Variants in UVRAG observed in about 807,000 individuals in gnomAD.
The protein encoded by UVRAG is UV radiation resistance-associated gene protein.
Under a neutral mutation model 78.0 loss-of-function variants are expected in UVRAG, and 19 were observed. The observed-to-expected ratio is 0.24, with a 90% CI of 0.17 to 0.36. The LOEUF is 0.36. Among genes scored for constraint, UVRAG ranks in the 10% least tolerant of loss-of-function variants. UVRAG has a pLI of 1.00. For missense variants in UVRAG, 740 were observed against 853.8 expected, an observed-to-expected ratio of 0.87 and a Z score of 1.66; for synonymous variants, 323 against 324.6, an observed-to-expected ratio of 1.00 and a Z score of 0.05.
Position 75,839,852 on chromosome 11 carries a change from C to CATAT in UVRAG, c.118-12023_118-12020dup, listed in dbSNP as rs547913913. On this transcript the variant is annotated intron_variant, in intron 1 of 14. Transcript: ENST00000356136. ...ATATATATATATACACACCCCCACA[C>CATAT]ATATATATATAGAGAGAGAGAGAGA... 1.6e-3 allele frequency among the ~76,000 whole-genome samples: 237 copies of CATAT among 150,054 alleles called. 2 individuals are homozygous for CATAT. The East Asian group carries it at 0.019, about 12-fold the overall frequency.
At chr11:75,996,615 G>T (rs1949712667) in intron 8 of UVRAG, among the ~76,000 whole-genome samples, 1 of 152,156 alleles carries the variant, frequency 6.6e-6, no homozygotes. Flanking sequence ...TTATACAGAG[G>T]CATGGAGGTA....
At chr11:76,109,711 T>G (rs1952037256) in intron 13 of UVRAG, among the ~76,000 whole-genome samples, 1 of 152,214 alleles carries the variant, frequency 6.6e-6, no homozygotes, top group Non-Finnish European at 1.5e-5. Context: ...GTAAATGTAG[T>G]TCTTTCTCCC....
At chr11:75,846,541 C>T (rs748158868) in intron 1 of UVRAG, among the ~76,000 whole-genome samples, 180 of 151,744 alleles carry the variant, frequency 1.2e-3, no homozygotes, top group Non-Finnish European at 2.0e-3. Context: ...CTGAGGTCTC[C>T]GATTCATTTT....
chr11:75,899,286 A>G (rs1947430348), intron 5 of UVRAG, among the ~76,000 whole-genome samples: 1 of 152,188 alleles, frequency 6.6e-6, no homozygotes, highest in Non-Finnish European at 1.5e-5. Context: ...GTATTATACT[A>G]GGTAAGTATA....
chr11:76,127,482 G>A lies in UVRAG; in HGVS notation c.1397+11467G>A, dbSNP rs144754737. On this transcript the variant is annotated intron_variant, in intron 14 of 14. Coordinates refer to ENST00000356136, the MANE Select transcript of UVRAG (RefSeq NM_003369.4). ...CAGCTGACCAACATGGTGAAAACCC[G>A]TCTCTATTAATACAGAAAGTTAGCC... 1.3e-3 allele frequency among the ~76,000 whole-genome samples: 202 copies of A among 149,672 alleles called. 1 individual carries two copies. Among genetic ancestry groups the A allele is most frequent in the Middle Eastern group, 7.3e-3 (2 of 274 alleles).
chr11:76,100,555 T>A lies in UVRAG; in HGVS notation c.1306-15369T>A, dbSNP rs373267284. On this transcript the variant is annotated intron_variant, in intron 13 of 14. Transcript: ENST00000356136. The stretch of plus-strand genomic sequence containing the variant: ...GTAGATATAATCTTTTTCACTTGAA[T>A]TAGTTTTCTGTGCTTTATAACAAAT... 2.6e-5 allele frequency among the ~76,000 whole-genome samples: 4 copies of A among 152,292 alleles called. No individual in the cohort carries two copies. The East Asian group carries it at 7.7e-4, about 29-fold the overall frequency.
At chr11:75,833,463 A>G (rs1336558366) in intron 1 of UVRAG, among the ~76,000 whole-genome samples, 3 of 152,212 alleles carry the variant, frequency 2.0e-5, no homozygotes, top group Non-Finnish European at 4.4e-5. Context: ...ACCCTTAAAT[A>G]CTTGAGTATG....
intron 14 of UVRAG, among the ~76,000 whole-genome samples, chr11:76,134,626 G>C (rs1299885204): frequency 1.3e-5 from 2 of 152,150 alleles, no homozygotes; most frequent in East Asian, 3.9e-4. Context: ...ACATGAATAT[G>C]TCTGAGTCTC....
At chr11:75,971,615 T>C (rs935432405) in intron 7 of UVRAG, among the ~76,000 whole-genome samples, 1 of 152,230 alleles carries the variant, frequency 6.6e-6, no homozygotes, top group Non-Finnish European at 1.5e-5. Context: ...TTTCATATGC[T>C]TGCCATCTAT....
chr11:75,826,992 G>A (rs1186796910), intron 1 of UVRAG, among the ~76,000 whole-genome samples: 3 of 152,072 alleles, frequency 2.0e-5, no homozygotes, highest in Non-Finnish European at 2.9e-5. Flanking sequence ...AATAGCTGGC[G>A]TTTTTTCCTA....
At chr11:75,994,213 G>T (rs1241694115) in intron 8 of UVRAG, among the ~76,000 whole-genome samples, 1 of 152,158 alleles carries the variant, frequency 6.6e-6, no homozygotes, top group African/African-American at 2.4e-5. Context: ...CAAACTTTGT[G>T]GGAAGAAGCT....
At chr11:75,917,744 C>T (rs920270072) in intron 6 of UVRAG, among the ~76,000 whole-genome samples, 10 of 152,194 alleles carry the variant, frequency 6.6e-5, no homozygotes. Context: ...CCTAGTCTCC[C>T]AAGCTAGTAA....
chr11:76,011,808 A>G (rs537630266), intron 11 of UVRAG, among the ~76,000 whole-genome samples: 2 of 152,324 alleles, frequency 1.3e-5, no homozygotes, highest in Admixed American at 1.3e-4. Context: ...ATTTGTAATC[A>G]AGACAGTCAG....
intron 14 of UVRAG, among the ~76,000 whole-genome samples, chr11:76,129,231 A>G (rs1258384810): frequency 6.6e-6 from 1 of 152,228 alleles, no homozygotes; most frequent in South Asian, 2.1e-4. Flanking sequence ...TAACCATTAC[A>G]TGGACAACCT....
intron 1 of UVRAG, among the ~76,000 whole-genome samples, chr11:75,834,677 G>A (rs984414088): frequency 3.3e-5 from 5 of 152,016 alleles, no homozygotes; most frequent in Non-Finnish European, 7.4e-5. Flanking sequence ...AGCCGGGTGT[G>A]GTGGCACGTG....
At chr11:75,967,142 C>A (rs989330983) in intron 7 of UVRAG, among the ~76,000 whole-genome samples, 1 of 152,164 alleles carries the variant, frequency 6.6e-6, no homozygotes, top group African/African-American at 2.4e-5. Context: ...GTCTCAAGAA[C>A]CCTCAAGTAG....
chr11:76,061,868 C>T (rs898487669), intron 12 of UVRAG, among the ~76,000 whole-genome samples: 1 of 152,174 alleles, frequency 6.6e-6, no homozygotes, highest in Non-Finnish European at 1.5e-5. Context: ...AGAATTATAA[C>T]ATCTTGGAGT....
At chr11:75,849,481 G>A (rs56280826) in intron 1 of UVRAG, among the ~76,000 whole-genome samples, 10,709 of 149,182 alleles carry the variant, frequency 0.072, 1,275 homozygotes, top group African/African-American at 0.25. Flanking sequence ...GCGACAGAGC[G>A]AGACTCCATC....
At chr11:75,920,008 GTTTTTTTTTTTTTT>G (rs140217190) in intron 6 of UVRAG, among the ~76,000 whole-genome samples, 36 of 55,494 alleles carry the variant, frequency 6.5e-4, no homozygotes, top group Non-Finnish European at 9.4e-4. Context: ...AATAATTTTG[GTTTTTTTTTTTTTT>G]TTTTTTTTTT....
Sources: gnomAD v4.1 joint callset for allele counts (sites outside exome capture counted in the v4.1 genomes callset) on GRCh38, gnomAD v4.1.1 for gene constraint, MANE v1.5 for transcripts, NCBI Gene and HGNC (gene_info 2026-07-23, HGNC 2026-07-21) for gene names.